The following SPG11 variants were observed in gnomAD, a reference collection of about 807,000 sequenced individuals.
SPG11 encodes the protein SPG11 vesicle trafficking associated, spatacsin, also known as spatacsin.
SPG11 carries 222 observed loss-of-function variants against 274.0 expected under a neutral mutation model. That is an observed-to-expected ratio of 0.81 (90% CI 0.73 to 0.91). The LOEUF (loss-of-function observed/expected upper bound fraction) is 0.91, where lower values mean the gene tolerates loss of function less well. Ranked by LOEUF, SPG11 falls within the 40% of genes least tolerant of loss-of-function variation. The pLI is 0.00. For synonymous variants in SPG11, 1,144 were observed against 1,039.7 expected (o/e 1.10, Z -1.93); for missense variants, 3,114 against 2,872.7 (o/e 1.08, Z -1.92).
intron 35 of SPG11, among the ~76,000 whole-genome samples, chr15:44,568,350 A>C (rs1371313185): frequency 6.6e-6 from 1 of 152,210 alleles, no homozygotes; most frequent in Non-Finnish European, 1.5e-5. Flanking sequence ...TATGTCCAGG[A>C]CTTGCTCCTC....
chr15:44,623,018 A>G (rs2083797343), intron 11 of SPG11, among the ~76,000 whole-genome samples: 1 of 152,130 alleles, frequency 6.6e-6, no homozygotes, highest in Admixed American at 6.6e-5. Flanking sequence ...GTGTGATCAC[A>G]GCTCACTGCA....
intron 15 of SPG11, 87 bp from the exon 16 acceptor site, chr15:44,615,653 C>A: frequency 8.6e-7 from 1 of 1,157,850 alleles, no homozygotes; most frequent in African/African-American, 1.5e-5. Flanking sequence ...GTCTCAATTA[C>A]TTAAAAATAA....
At chr15:44,657,725 C>T (rs754211108) in intron 3 of SPG11, among the ~76,000 whole-genome samples, 2 of 152,174 alleles carry the variant, frequency 1.3e-5, no homozygotes, top group Non-Finnish European at 2.9e-5. Flanking sequence ...TCTTAATTTG[C>T]ATACTAAATT....
chr15:44,609,320 G>A (rs1239019146), intron 18 of SPG11, among the ~76,000 whole-genome samples: 1 of 150,908 alleles, frequency 6.6e-6, no homozygotes, highest in Non-Finnish European at 1.5e-5. Flanking sequence ...TGTATTTTTA[G>A]TAGAGACGGG....
chr15:44,602,092 T>C (rs1250138440), intron 20 of SPG11, among the ~76,000 whole-genome samples: 1 of 152,230 alleles, frequency 6.6e-6, no homozygotes, highest in East Asian at 1.9e-4. Context: ...CTTAGATTTG[T>C]TTATTAGTTC....
chr15:44,595,871 C>T (rs2140971033), intron 25 of SPG11, among the ~76,000 whole-genome samples: 1 of 152,330 alleles, frequency 6.6e-6, no homozygotes, highest in East Asian at 1.9e-4. Context: ...GCTCTGATCA[C>T]TTGAGTTCAC....
chr15:44,645,340 A>G (rs183630862), intron 7 of SPG11, among the ~76,000 whole-genome samples: 1 of 152,382 alleles, frequency 6.6e-6, no homozygotes, highest in Admixed American at 6.5e-5. Flanking sequence ...CTGGTTTTCC[A>G]CAAAGTTGAC....
chr15:44,598,220 A>T (rs2083092673), intron 23 of SPG11, 45 bp downstream of exon 23: 1 of 1,459,996 alleles, frequency 6.8e-7, no homozygotes, highest in African/African-American at 1.4e-5. Context: ...ACAGGTTGGC[A>T]CAATAAGCTT....
intron 7 of SPG11, among the ~76,000 whole-genome samples, chr15:44,641,923 A>G (rs990713028): frequency 3.4e-5 from 4 of 116,462 alleles, no homozygotes; most frequent in Middle Eastern, 3.8e-3. Flanking sequence ...TGCTTAACAG[A>G]AAAAAAAAAA....
At chr15:44,648,754 G>A (rs1402276660) in intron 7 of SPG11, 112 bp downstream of exon 7, 6 of 1,216,540 alleles carry the variant, frequency 4.9e-6, no homozygotes, top group Non-Finnish European at 6.1e-6. Flanking sequence ...ATATACAAAG[G>A]CTATAGTTCT....
Position 44,592,418 on chromosome 15 carries a change from C to T in SPG11, c.4656G>A (p.Val1552=), listed in dbSNP as rs2082925176. Residue 1552 remains valine (V), a synonymous_variant, in exon 27 of 40, where the codon GTG becomes GTA. Transcript: ENST00000261866. ...ACATACACAGTTCATACATCTCCAT[C>T]ACCAGTAGTAACGGGGAATCCTTTG... The part of the protein sequence containing the change: ...LFFKDSPLLL[V]MEMYELCMFF... The T allele has an allele frequency of 6.2e-7, 1 of 1,604,410 alleles. No individual in the cohort carries two copies. Among genetic ancestry groups the T allele is most frequent in the Non-Finnish European group, 8.5e-7 (1 of 1,171,198 alleles).
At chr15:44,581,256 G>GA (rs1359499460) in intron 30 of SPG11, among the ~76,000 whole-genome samples, 2 of 152,114 alleles carry the variant, frequency 1.3e-5, no homozygotes, top group Non-Finnish European at 1.5e-5. Flanking sequence ...GCCCAGGCTG[G>GA]AGTGCAGTGG....
chr15:44,620,124 C>A lies in SPG11; in HGVS notation c.2834+66G>T, dbSNP rs569808066. The A allele has an allele frequency of 3.3e-6, 4 of 1,224,758 alleles. No individual in the cohort carries two copies. The East Asian group carries it at 9.3e-5, about 29-fold the overall frequency. The allele number at this position is 1,224,758 out of a possible 1,614,324, so 75.9% of individuals were successfully genotyped here. Reference sequence around the variant, plus strand: ...ATGGCATTTCAAAGGAAAAGCTATACCATTATTTTTTCTTGCTCTTCCCTT... The same window carrying A: ...ATGGCATTTCAAAGGAAAAGCTATAACATTATTTTTTCTTGCTCTTCCCTT... On this transcript the variant is annotated intron_variant, in intron 15 of 39. Coordinates refer to ENST00000261866, the MANE Select transcript of SPG11 (RefSeq NM_025137.4).
chr15:44,591,004 A>G lies in SPG11; in HGVS notation c.4743+1327T>C, dbSNP rs528379797. 17 of 152,328 alleles carry G rather than the reference A, an allele frequency of 1.1e-4. No homozygotes were observed. The South Asian group carries it at 3.5e-3, about 32-fold the overall frequency. The allele number at this position is 152,328 out of a possible 1,614,324, so 9.4% of individuals were successfully genotyped here. A position where few individuals can be genotyped will look rare whatever the true frequency, so the allele number is the denominator to read the frequency against. ...AAATTAAGGAATGGTTTATAAAATC[A>G]TGTGTCACATTACTGCTATCTTCTT... is the stretch of plus-strand genomic sequence containing the variant. On this transcript the variant is annotated intron_variant, in intron 27 of 39. Coordinates refer to ENST00000261866, the MANE Select transcript of SPG11 (RefSeq NM_025137.4).
intron 7 of SPG11, among the ~76,000 whole-genome samples, chr15:44,641,985 G>T (rs548650621): frequency 6.7e-6 from 1 of 150,280 alleles, no homozygotes; most frequent in East Asian, 1.9e-4. Context: ...TTATACAGTG[G>T]GATACGATAC....
chr15:44,618,788 C>A (rs1045237391), intron 15 of SPG11, among the ~76,000 whole-genome samples: 5 of 151,628 alleles, frequency 3.3e-5, no homozygotes, highest in African/African-American at 4.9e-5. Flanking sequence ...TCCCTGCACT[C>A]CAGCCTGGGT....
rs2082703067 is a variant in SPG11, at chr15:44,583,868, C to T, written c.5812G>A (p.Ala1938Thr). Residue 1938 changes from alanine to threonine, a missense_variant, in exon 30 of 40, where the codon GCT (alanine) becomes ACT (threonine). Transcript: ENST00000261866. ...HPEIHALLQS[A>T]ELLEEEAPDI... ...GGTGCTTCTTCCTCAAGCAGCTCAGCACTTTGTAGGAGAGCATGGATCTCT... is the reference window on the plus strand; with the variant it reads ...GGTGCTTCTTCCTCAAGCAGCTCAGTACTTTGTAGGAGAGCATGGATCTCT... 2 of 1,614,082 alleles carry T rather than the reference C, an allele frequency of 1.2e-6. No homozygotes were observed. The highest frequency in any genetic ancestry group is 1.7e-5 in the Admixed American group (1 of 60,000).
chr15:44,643,987 C>T lies in SPG11; in HGVS notation c.1602+4879G>A, dbSNP rs142404739. On this transcript the variant is annotated intron_variant, in intron 7 of 39. Transcript: ENST00000261866. ...GACCATCCTGGCTAACACGGTGAAA[C>T]CCTGTCTCTACTAAAAATACAAAAA... is the stretch of plus-strand genomic sequence containing the variant. Among the ~76,000 whole-genome samples the T allele has an allele frequency of 7.9e-3, 1,203 of 152,038 alleles. 16 individuals are homozygous for T. The highest frequency in any genetic ancestry group is 0.025 in the African/African-American group (1,035 of 41,450).
In SPG11 at chr15:44,565,834, C is replaced by G; in HGVS notation, c.6999+20G>C. 1 of 1,613,844 alleles carries G rather than the reference C, an allele frequency of 6.2e-7. No individual in the cohort carries two copies. The highest frequency in any genetic ancestry group is 8.5e-7 in the Non-Finnish European group (1 of 1,179,944). The stretch of plus-strand genomic sequence containing the variant: ...GAGAGGATGCTAGCAGTGCTGGCTA[C>G]AGTTTGCTTTCTTGCTCACCTGGTA... On this transcript the variant is annotated intron_variant, in intron 38 of 39. Coordinates refer to ENST00000261866, the MANE Select transcript of SPG11 (RefSeq NM_025137.4).
Sources: allele counts gnomAD v4.1 joint callset (sites outside exome capture counted in the v4.1 genomes callset), GRCh38; gene constraint gnomAD v4.1.1; transcripts MANE v1.5; gene names NCBI Gene and HGNC (gene_info 2026-07-23, HGNC 2026-07-21).